The following DLGAP2 variants were observed in gnomAD, a reference collection of about 807,000 sequenced individuals.
The protein encoded by DLGAP2 is disks large-associated protein 2.
DLGAP2 carries 26 observed loss-of-function variants against 100.3 expected under a neutral mutation model. The observed-to-expected ratio is 0.26, with a 90% CI of 0.19 to 0.36. The LOEUF (loss-of-function observed/expected upper bound fraction) is 0.36, where lower values mean the gene tolerates loss of function less well. DLGAP2 is among the 10% of genes least tolerant of loss of function. The pLI is 1.00. For missense variants in DLGAP2, 1,858 were observed against 1,453.2 expected (o/e 1.28, Z -4.53); for synonymous variants, 886 against 630.1 (o/e 1.41, Z -6.08).
At position 771,908 on chromosome 8, in the gene DLGAP2, A is replaced by G. The variant is rs140212582; in HGVS notation, c.18+34083A>G. 3.9e-3 allele frequency among the ~76,000 whole-genome samples: 591 copies of G among 152,158 alleles called. 4 individuals are homozygous for G. The highest frequency in any genetic ancestry group is 0.013 in the African/African-American group (558 of 41,516). ...CTAGGCTCATCTGCAATTTTATTTC[A>G]TTTTATTTTTTTAGAGACAGGTTCT... On this transcript the variant is annotated intron_variant, in intron 1 of 14. Coordinates refer to ENST00000637795, the MANE Select transcript of DLGAP2 (RefSeq NM_001346810.2).
chr8:1,322,609 G>A (rs1022518428), intron 3 of DLGAP2, among the ~76,000 whole-genome samples: 4 of 152,140 alleles, frequency 2.6e-5, no homozygotes, highest in Non-Finnish European at 4.4e-5. Context: ...CACCTGGCGT[G>A]CTGTCTCCTG....
At chr8:1,415,474 C>T (rs560742916) in intron 3 of DLGAP2, among the ~76,000 whole-genome samples, 2 of 152,150 alleles carry the variant, frequency 1.3e-5, no homozygotes, top group Non-Finnish European at 2.9e-5. Flanking sequence ...TTCCCTCCCC[C>T]TCTAGTAGCC....
At chr8:1,662,013 C>G (rs1798420315) in intron 8 of DLGAP2, among the ~76,000 whole-genome samples, 1 of 152,176 alleles carries the variant, frequency 6.6e-6, no homozygotes, top group Non-Finnish European at 1.5e-5. Context: ...GTGTGCTGTG[C>G]CACAGCAAGA....
rs149494221 is a variant in DLGAP2, at chr8:1,125,519, A to G, written c.74-133332A>G. On this transcript the variant is annotated intron_variant, in intron 2 of 14. Transcript: ENST00000637795. ...CATATAACCACTTATTTTGAATTAT[A>G]TCATGCAGATGAAAACAACTCAACT... Among the ~76,000 whole-genome samples the G allele has an allele frequency of 7.2e-5, 11 of 152,334 alleles. No individual in the cohort carries two copies. The East Asian group carries it at 2.1e-3, about 29-fold the overall frequency.
intron 1 of DLGAP2, among the ~76,000 whole-genome samples, chr8:882,160 G>C (rs1450574056): frequency 6.6e-6 from 1 of 152,246 alleles, no homozygotes; most frequent in Non-Finnish European, 1.5e-5. Context: ...CTCCAAATGA[G>C]ACGTGAGACC....
chr8:1,560,398 G>A (rs918095038), intron 5 of DLGAP2, among the ~76,000 whole-genome samples: 5 of 152,104 alleles, frequency 3.3e-5, no homozygotes, highest in African/African-American at 4.8e-5. Context: ...TACACATTCT[G>A]GAATAGTATT....
At chr8:883,660 C>T (rs568396356) in intron 1 of DLGAP2, among the ~76,000 whole-genome samples, 1 of 151,486 alleles carries the variant, frequency 6.6e-6, no homozygotes, top group African/African-American at 2.4e-5. Context: ...CGGTTCGTTA[C>T]GTAGGTGCGC....
At chr8:1,007,909 G>A (rs1801167808) in intron 2 of DLGAP2, among the ~76,000 whole-genome samples, 1 of 152,138 alleles carries the variant, frequency 6.6e-6, no homozygotes, top group African/African-American at 2.4e-5. Flanking sequence ...TAGTAGGGGA[G>A]GGAATCAACC....
At chr8:1,049,969 T>C (rs959987191) in intron 2 of DLGAP2, among the ~76,000 whole-genome samples, 3 of 152,214 alleles carry the variant, frequency 2.0e-5, no homozygotes. Flanking sequence ...GTCACACACA[T>C]GTGCCTACGT....
In DLGAP2 at chr8:1,222,643, G is replaced by C. The variant is rs372759966; in HGVS notation, c.74-36208G>C. Among the ~76,000 whole-genome samples the C allele has an allele frequency of 5.3e-5, 8 of 152,176 alleles. No homozygotes were observed. In the South Asian group the frequency reaches 1.2e-3, roughly 24 times the overall value. On this transcript the variant is annotated intron_variant, in intron 2 of 14. Coordinates refer to ENST00000637795, the MANE Select transcript of DLGAP2 (RefSeq NM_001346810.2). ...AGGCTGCAGGTGGGTGTACACGGTG[G>C]GGGGAGGCTGCTGGTGGGTGCATGC...
At position 1,548,730 on chromosome 8, in the gene DLGAP2, C is replaced by G. The variant is rs780060307; in HGVS notation, c.277C>G (p.Leu93Val). ...GLSGSRTQPPLCSGHTCGLAP... is the reference protein window; with the variant it reads ...GLSGSRTQPPVCSGHTCGLAP... ...TTCCGGAAGTCGGACCCAGCCGCCG[C>G]TGTGTTCCGGGCACACGTGTGGTCT... Residue 93 changes from leucine to valine, a missense_variant, in exon 5 of 15, where the codon CTG (leucine) becomes GTG (valine). Coordinates refer to ENST00000637795, the MANE Select transcript of DLGAP2 (RefSeq NM_001346810.2). The G allele has an allele frequency of 6.2e-7, 1 of 1,607,108 alleles. No homozygotes were observed. The highest frequency in any genetic ancestry group is 1.7e-5 in the Admixed American group (1 of 59,670).
intron 3 of DLGAP2, among the ~76,000 whole-genome samples, chr8:1,444,804 A>G (rs1293038860): frequency 1.1e-5 from 1 of 92,678 alleles, no homozygotes; most frequent in African/African-American, 4.4e-5. Context: ...TTTGAGACGT[A>G]GTTTCACTCT....
At chr8:1,188,434 A>G (rs1797561914) in intron 2 of DLGAP2, among the ~76,000 whole-genome samples, 1 of 117,068 alleles carries the variant, frequency 8.5e-6, no homozygotes, top group Admixed American at 8.6e-5. Context: ...CACGCCCGGG[A>G]CCTCCGTGAC....
chr8:751,524 G>A (rs1157690408), intron 1 of DLGAP2, among the ~76,000 whole-genome samples: 2 of 152,212 alleles, frequency 1.3e-5, no homozygotes, highest in African/African-American at 4.8e-5. Flanking sequence ...AGAAAAACTT[G>A]TCTCTGAGTT....
intron 2 of DLGAP2, among the ~76,000 whole-genome samples, chr8:926,639 C>G (rs1019914881): frequency 6.6e-6 from 1 of 152,240 alleles, no homozygotes; most frequent in Non-Finnish European, 1.5e-5. Flanking sequence ...CTGGAACCGC[C>G]TGGGCGGCCG....
intron 2 of DLGAP2, among the ~76,000 whole-genome samples, chr8:1,245,985 T>C (rs964510523): frequency 6.6e-6 from 1 of 152,156 alleles, no homozygotes; most frequent in Non-Finnish European, 1.5e-5. Context: ...AATGCATCTA[T>C]TGAGGAAGAA....
chr8:926,335 C>T (rs938450882), intron 2 of DLGAP2, among the ~76,000 whole-genome samples: 8 of 152,188 alleles, frequency 5.3e-5, no homozygotes, highest in Non-Finnish European at 8.8e-5. Context: ...AGTGAGGGCT[C>T]CCCGTGTTGG....
intron 6 of DLGAP2, among the ~76,000 whole-genome samples, chr8:1,607,789 G>A (rs1290693767): frequency 6.6e-6 from 1 of 152,046 alleles, no homozygotes. Context: ...GGACGCACCT[G>A]GAAAATCGGG....
intron 2 of DLGAP2, among the ~76,000 whole-genome samples, chr8:1,166,610 C>G (rs1797021135): frequency 6.6e-6 from 1 of 152,062 alleles, no homozygotes; most frequent in Non-Finnish European, 1.5e-5. Context: ...TTATTTTATC[C>G]TTTCTAAGAA....
Sources: allele counts gnomAD v4.1 joint callset (sites outside exome capture counted in the v4.1 genomes callset), GRCh38; gene constraint gnomAD v4.1.1; transcripts MANE v1.5; gene names NCBI Gene and HGNC (gene_info 2026-07-23, HGNC 2026-07-21).